Variants in LEPROTL1 observed in about 807,000 individuals in gnomAD.
LEPROTL1 encodes leptin receptor overlapping transcript-like 1.
Under a neutral mutation model 15.4 loss-of-function variants are expected in LEPROTL1, and 6 were observed. That is an observed-to-expected ratio of 0.39 (90% CI 0.21 to 0.77). The LOEUF is 0.77. LEPROTL1 is among the 30% of genes least tolerant of loss of function. The probability of loss-of-function intolerance (pLI) is 0.41; values close to 1 mark genes in which losing one functional copy is unlikely to be tolerated. For synonymous variants in LEPROTL1, 56 were observed against 52.6 expected, an observed-to-expected ratio of 1.06 and a Z score of -0.28; for missense variants, 128 against 158.1, an observed-to-expected ratio of 0.81 and a Z score of 1.02.
At chr8:30,129,796 G>A (rs1563219615) in intron 3 of LEPROTL1, among the ~76,000 whole-genome samples, 1 of 151,620 alleles carries the variant, frequency 6.6e-6, no homozygotes, top group Non-Finnish European at 1.5e-5. Context: ...AAAGAAAAGA[G>A]GTTTAATTGG....
chr8:30,104,273 T>A, intron 2 of LEPROTL1, 27 bp from the exon 3 acceptor site: 4 of 1,370,926 alleles, frequency 2.9e-6, no homozygotes, highest in Non-Finnish European at 3.9e-6. Context: ...TAGCAAAAAT[T>A]ACATTAACTT....
At chr8:30,118,854 C>G (rs1193705979) in intron 3 of LEPROTL1, among the ~76,000 whole-genome samples, 1 of 152,136 alleles carries the variant, frequency 6.6e-6, no homozygotes, top group Non-Finnish European at 1.5e-5. Context: ...GCACGTAGGC[C>G]GGATTTATGC....
chr8:30,111,187 A>G (rs1032922970), downstream of LEPROTL1, among the ~76,000 whole-genome samples: 11 of 152,232 alleles, frequency 7.2e-5, no homozygotes, highest in African/African-American at 2.4e-5. Flanking sequence ...CTTCCAAAAC[A>G]TAAGCAAGAA....
chr8:30,098,777 G>C (rs1329430031), intron 1 of LEPROTL1, among the ~76,000 whole-genome samples: 1 of 152,176 alleles, frequency 6.6e-6, no homozygotes, highest in Non-Finnish European at 1.5e-5. Flanking sequence ...AATATTTGTT[G>C]AGTGTTAAGA....
In LEPROTL1 at chr8:30,108,195, A is replaced by G. The variant is rs1802601438; in HGVS notation, c.*2333A>G. On this transcript the variant is annotated 3_prime_UTR_variant, in exon 4 of 4. Transcript: ENST00000321250. Reference sequence around the variant, plus strand: ...TAATGTTAGAGTTGCAGAAGTTTCCATTCCAAAATAAAATGGAAACCATAG... The same window carrying G: ...TAATGTTAGAGTTGCAGAAGTTTCCGTTCCAAAATAAAATGGAAACCATAG... 1 of 196,360 alleles carries G rather than the reference A, an allele frequency of 5.1e-6. No individual in the cohort carries two copies. The highest frequency in any genetic ancestry group is 6.5e-5 in the Admixed American group (1 of 15,306). 12.2% of individuals were successfully genotyped at this position (196,360 alleles called of 1,614,324 possible).
At chr8:30,113,868 C>T (rs532239407) in intron 3 of LEPROTL1, among the ~76,000 whole-genome samples, 3 of 152,118 alleles carry the variant, frequency 2.0e-5, no homozygotes, top group Non-Finnish European at 4.4e-5. Context: ...AGAGAACTCA[C>T]CACTGAGGAA....
At position 30,106,170 on chromosome 8, in the gene LEPROTL1, A is replaced by G. The variant is rs2117488099; in HGVS notation, c.*308A>G. On this transcript the variant is annotated 3_prime_UTR_variant, in exon 4 of 4. Coordinates refer to ENST00000321250, the MANE Select transcript of LEPROTL1 (RefSeq NM_015344.3). ...TAGGTTGATTTTTTTTGGAATCAAT[A>G]TGCAATGTTAAACACTTTTTTAATG... 2.0e-6 allele frequency: 2 copies of G among 993,004 alleles called. No homozygotes were observed. Among genetic ancestry groups the G allele is most frequent in the South Asian group, 4.7e-5 (1 of 21,422 alleles). The allele number at this position is 993,004 out of a possible 1,614,324, so 61.5% of individuals were successfully genotyped here.
intron 1 of LEPROTL1, 27 bp downstream of exon 1, chr8:30,095,555 G>A (rs1020636913): frequency 5.1e-6 from 7 of 1,372,814 alleles, no homozygotes; most frequent in Non-Finnish European, 4.7e-6. Context: ...GGACGCGGGA[G>A]GGCTGGGGCC....
chr8:30,110,174 C>G (rs563213876), downstream of LEPROTL1, among the ~76,000 whole-genome samples: 1 of 152,158 alleles, frequency 6.6e-6, no homozygotes, highest in Non-Finnish European at 1.5e-5. Context: ...TTGAATTCAT[C>G]TGTGGGTTTA....
At chr8:30,116,877 A>G (rs1194452961) in intron 3 of LEPROTL1, among the ~76,000 whole-genome samples, 2 of 152,154 alleles carry the variant, frequency 1.3e-5, no homozygotes, top group Non-Finnish European at 2.9e-5. Flanking sequence ...GGGAGGGACA[A>G]TCTTGTGGGA....
At chr8:30,134,767 T>C (rs949054383) in intron 4 of LEPROTL1, among the ~76,000 whole-genome samples, 1 of 152,160 alleles carries the variant, frequency 6.6e-6, no homozygotes, top group Non-Finnish European at 1.5e-5. Flanking sequence ...AGGCTGGTCT[T>C]GAACTCCTCA....
intron 3 of LEPROTL1, among the ~76,000 whole-genome samples, chr8:30,118,506 A>C (rs1388769435): frequency 6.6e-6 from 1 of 152,180 alleles, no homozygotes; most frequent in Non-Finnish European, 1.5e-5. Context: ...CAACAGGTTC[A>C]GTTTTTTCTG....
intron 3 of LEPROTL1, chr8:30,117,744 C>T: frequency 1.0e-6 from 1 of 994,850 alleles, no homozygotes. Flanking sequence ...TGTTGATGCT[C>T]TTGAGAGCAT....
At chr8:30,112,774 T>G (rs1802674776), downstream of LEPROTL1, among the ~76,000 whole-genome samples, 1 of 152,080 alleles carries the variant, frequency 6.6e-6, no homozygotes, top group African/African-American at 2.4e-5. Flanking sequence ...TGGTGAGATT[T>G]AAATGTAACC....
intron 1 of LEPROTL1, among the ~76,000 whole-genome samples, chr8:30,099,322 A>G (rs1802423379): frequency 6.6e-6 from 1 of 152,100 alleles, no homozygotes; most frequent in South Asian, 2.1e-4. Context: ...GGCCAGGTGC[A>G]GTGGCTCACG....
chr8:30,107,998 T>A lies in LEPROTL1; in HGVS notation c.*2136T>A. ...GAATTTTCCATAGAATATGCACTGA[T>A]ACAATATTACCATTCTTCTATGGAA... On this transcript the variant is annotated 3_prime_UTR_variant, in exon 4 of 4. Coordinates refer to ENST00000321250, the MANE Select transcript of LEPROTL1 (RefSeq NM_015344.3). The A allele has an allele frequency of 1.0e-6, 1 of 961,470 alleles. No homozygotes were observed. Among genetic ancestry groups the A allele is most frequent in the Non-Finnish European group, 1.2e-6 (1 of 808,150 alleles). 59.6% of individuals were successfully genotyped at this position (961,470 alleles called of 1,614,324 possible).
chr8:30,098,858 AC>A (rs1356150807), intron 1 of LEPROTL1, among the ~76,000 whole-genome samples: 1 of 152,228 alleles, frequency 6.6e-6, no homozygotes, highest in African/African-American at 2.4e-5. Context: ...AGAAGGAAAG[AC>A]AAAATACAAA....
At chr8:30,128,592 A>C (rs539786405) in intron 3 of LEPROTL1, among the ~76,000 whole-genome samples, 110 of 152,110 alleles carry the variant, frequency 7.2e-4, no homozygotes, top group South Asian at 1.9e-3. Flanking sequence ...CTGTACAAAA[A>C]ATAAAAAAAA....
At chr8:30,122,027 C>T (rs1802836135) in intron 3 of LEPROTL1, among the ~76,000 whole-genome samples, 1 of 151,778 alleles carries the variant, frequency 6.6e-6, no homozygotes, top group Non-Finnish European at 1.5e-5. Flanking sequence ...ATTAGCTGTA[C>T]GTGGTGGCAC....
Sources: gnomAD v4.1 joint callset for allele counts (sites outside exome capture counted in the v4.1 genomes callset) on GRCh38, gnomAD v4.1.1 for gene constraint, MANE v1.5 for transcripts, NCBI Gene and HGNC (gene_info 2026-07-23, HGNC 2026-07-21) for gene names.